The following ANKRD31 variants were observed in gnomAD, a reference collection of about 807,000 sequenced individuals.
ANKRD31 encodes the protein ankyrin repeat domain-containing protein 31.
Under a neutral mutation model 186.0 loss-of-function variants are expected in ANKRD31, and 147 were observed. The ratio of observed to expected loss-of-function variants is 0.79; its 90% CI spans 0.69 to 0.91. The LOEUF is 0.91. Ranked by LOEUF, ANKRD31 falls within the 40% of genes least tolerant of loss-of-function variation. The pLI is 0.00. For missense variants in ANKRD31, 1,986 were observed against 2,148.8 expected, an observed-to-expected ratio of 0.92 and a Z score of 1.50; for synonymous variants, 673 against 736.4, an observed-to-expected ratio of 0.91 and a Z score of 1.39.
At chr5:75,164,044 G>A (rs1430998983) in intron 11 of ANKRD31, among the ~76,000 whole-genome samples, 7 of 152,208 alleles carry the variant, frequency 4.6e-5, no homozygotes. Flanking sequence ...CTAAGGCTAG[G>A]TTAAAAAGTA....
intron 2 of ANKRD31, among the ~76,000 whole-genome samples, chr5:75,229,635 G>C (rs1757821442): frequency 6.6e-6 from 1 of 152,060 alleles, no homozygotes; most frequent in African/African-American, 2.4e-5. Flanking sequence ...GGAGGACCAA[G>C]GTGGGCAGAT....
chr5:75,222,393 A>G lies in ANKRD31; in HGVS notation c.179-35T>C, dbSNP rs113959387. On this transcript the variant is annotated intron_variant, in intron 2 of 25. Transcript: ENST00000506364. The stretch of plus-strand genomic sequence containing the variant: ...AACATAATCATAAATCATTTACAAC[A>G]GTTTTATTGCTCTGCTTTGATAATG... 4 of 1,439,806 alleles carry G rather than the reference A, an allele frequency of 2.8e-6. No homozygotes were observed. The South Asian group carries it at 5.0e-5, about 18-fold the overall frequency. The allele number at this position is 1,439,806 out of a possible 1,614,324, so 89.2% of individuals were successfully genotyped here. A position where few individuals can be genotyped will look rare whatever the true frequency, so the allele number is the denominator to read the frequency against.
At chr5:75,086,658 G>C (rs375765174) in intron 23 of ANKRD31, among the ~76,000 whole-genome samples, 3 of 152,182 alleles carry the variant, frequency 2.0e-5, no homozygotes, top group African/African-American at 2.4e-5. Context: ...AAGAGAGATG[G>C]AGCTTAGTGT....
chr5:75,148,289 C>T (rs1442640786), intron 13 of ANKRD31, among the ~76,000 whole-genome samples: 1 of 151,822 alleles, frequency 6.6e-6, no homozygotes, highest in Non-Finnish European at 1.5e-5. Context: ...TTGACTCTTT[C>T]CTGTACTATG....
intron 6 of ANKRD31, among the ~76,000 whole-genome samples, chr5:75,197,339 C>T (rs16872459): frequency 0.23 from 34,598 of 152,046 alleles, 4,108 homozygotes; most frequent in South Asian, 0.39. Context: ...TACTTTTTAT[C>T]GGCCTTAAAT....
chr5:75,196,701 AG>A (rs932157778), intron 6 of ANKRD31, among the ~76,000 whole-genome samples: 6 of 152,184 alleles, frequency 3.9e-5, no homozygotes, highest in Admixed American at 6.5e-5. Context: ...AAGAGGTCAG[AG>A]GGAAAAGGTG....
At chr5:75,124,116 A>C (rs1336271543) in intron 17 of ANKRD31, among the ~76,000 whole-genome samples, 1 of 152,136 alleles carries the variant, frequency 6.6e-6, no homozygotes, top group South Asian at 2.1e-4. Context: ...CCATTAAAAA[A>C]CTGGCAAAGG....
intron 17 of ANKRD31, among the ~76,000 whole-genome samples, chr5:75,120,852 A>G (rs919403655): frequency 3.3e-5 from 5 of 152,200 alleles, no homozygotes; most frequent in African/African-American, 1.2e-4. Flanking sequence ...AACCAACTAT[A>G]TGCTGCCCAC....
chr5:75,103,429 A>G (rs1747074607), intron 22 of ANKRD31, among the ~76,000 whole-genome samples: 1 of 152,232 alleles, frequency 6.6e-6, no homozygotes, highest in African/African-American at 2.4e-5. Flanking sequence ...ACCATTGTGA[A>G]AGACAGTGTA....
chr5:75,133,246 G>A (rs1750030612), intron 17 of ANKRD31, among the ~76,000 whole-genome samples: 1 of 152,062 alleles, frequency 6.6e-6, no homozygotes, highest in South Asian at 2.1e-4. Context: ...ACCTATCAGT[G>A]TGCTCTATTC....
chr5:75,079,509 G>A (rs1313492457), intron 25 of ANKRD31, among the ~76,000 whole-genome samples: 2 of 148,022 alleles, frequency 1.4e-5, no homozygotes, highest in Non-Finnish European at 3.0e-5. Flanking sequence ...TGCTCTTGTT[G>A]ACCAGGCTGG....
chr5:75,194,287 T>G (rs1755310994), intron 7 of ANKRD31, among the ~76,000 whole-genome samples: 1 of 152,160 alleles, frequency 6.6e-6, no homozygotes, highest in South Asian at 2.1e-4. Context: ...AGGGTTTATT[T>G]TTTTTCCTTT....
chr5:75,081,202 C>G (rs1207889206), intron 24 of ANKRD31, among the ~76,000 whole-genome samples: 2 of 152,290 alleles, frequency 1.3e-5, no homozygotes, highest in East Asian at 3.9e-4. Flanking sequence ...TAGGTCCAGA[C>G]CAAGGTAGCA....
At chr5:75,159,879 A>C (rs1220223621) in intron 11 of ANKRD31, among the ~76,000 whole-genome samples, 1 of 152,128 alleles carries the variant, frequency 6.6e-6, no homozygotes, top group Non-Finnish European at 1.5e-5. Context: ...CAATGGCATA[A>C]AACAATATGA....
chr5:75,180,367 G>A (rs1193744353), intron 10 of ANKRD31, among the ~76,000 whole-genome samples: 1 of 152,042 alleles, frequency 6.6e-6, no homozygotes, highest in African/African-American at 2.4e-5. Flanking sequence ...TTTCTTCACA[G>A]AATTGGAAAA....
chr5:75,195,986 A>G lies in ANKRD31; in HGVS notation c.662T>C (p.Val221Ala). The stretch of plus-strand genomic sequence containing the variant: ...TGTAAGTAAACTTTCTAAGGCAGAC[A>G]CAAAGGTTTCAAGAGAGCTTTCTTC... ...KDEESSLETF[V>A]SALESLLTSP... The change falls in exon 7 of 26, where the codon GTG (valine) becomes GCG (alanine). Residue 221 changes from valine (V) to alanine (A), a missense_variant. By Grantham distance (64) the Val-to-Ala change is moderately conservative. Transcript: ENST00000506364. 1.3e-6 allele frequency: 2 copies of G among 1,532,078 alleles called. No homozygotes were observed. Among genetic ancestry groups the G allele is most frequent in the Non-Finnish European group, 1.7e-6 (2 of 1,144,836 alleles). 94.9% of individuals were successfully genotyped at this position (1,532,078 alleles called of 1,614,324 possible).
intron 25 of ANKRD31, among the ~76,000 whole-genome samples, chr5:75,078,869 G>A (rs1299863964): frequency 4.6e-5 from 7 of 152,152 alleles, no homozygotes; most frequent in Admixed American, 2.0e-4. Flanking sequence ...GCAAAAAGGC[G>A]AGAGGCTTGG....
At chr5:75,151,131 T>A (rs1416294948) in intron 12 of ANKRD31, among the ~76,000 whole-genome samples, 1 of 152,042 alleles carries the variant, frequency 6.6e-6, no homozygotes, top group Non-Finnish European at 1.5e-5. Context: ...ATCAAGTATA[T>A]GATTTATAAA....
chr5:75,155,743 G>A (rs1010422896), intron 11 of ANKRD31, among the ~76,000 whole-genome samples: 6 of 152,072 alleles, frequency 3.9e-5, no homozygotes, highest in African/African-American at 1.4e-4. Context: ...AAAATTAAAA[G>A]CGTATATATA....
Sources: allele counts gnomAD v4.1 joint callset (sites outside exome capture counted in the v4.1 genomes callset), GRCh38; gene constraint gnomAD v4.1.1; transcripts MANE v1.5; gene names NCBI Gene and HGNC (gene_info 2026-07-23, HGNC 2026-07-21).